Variants in RALGDS observed in about 807,000 individuals in gnomAD.
The protein encoded by RALGDS is ral guanine nucleotide exchange factor.
A neutral mutation model predicts 99.8 loss-of-function variants in RALGDS; 44 were observed. The ratio of observed to expected loss-of-function variants is 0.44; its 90% confidence interval spans 0.35 to 0.57. The LOEUF is 0.57. RALGDS is among the 20% of genes least tolerant of loss of function. The pLI is 0.01. For synonymous variants in RALGDS, 529 were observed against 505.0 expected (o/e 1.05, Z -0.64); for missense variants, 1,022 against 1,203.1 (o/e 0.85, Z 2.23).
At chr9:133,100,446 G>A in intron 16 of RALGDS, 64 bp from the exon 17 acceptor site, 1 of 1,609,622 alleles carries the variant, frequency 6.2e-7, no homozygotes, top group Non-Finnish European at 8.5e-7. Context: ...CCAGAGTGCA[G>A]TGGCCAAGGA....
chr9:133,147,071 C>T (rs572173601), intron 1 of RALGDS, among the ~76,000 whole-genome samples: 1 of 152,312 alleles, frequency 6.6e-6, no homozygotes, highest in East Asian at 1.9e-4. Flanking sequence ...GTAGTGTTGT[C>T]ACATAGCTGT....
chr9:133,100,197 C>T, intron 17 of RALGDS, 71 bp downstream of exon 17: 1 of 1,411,316 alleles, frequency 7.1e-7, no homozygotes, highest in Non-Finnish European at 1.0e-6. Flanking sequence ...GGGCCAAAGG[C>T]TTCCAACCTG....
upstream of RALGDS, among the ~76,000 whole-genome samples, chr9:133,136,107 C>A (rs747599731): frequency 6.6e-6 from 1 of 152,130 alleles, no homozygotes; most frequent in Non-Finnish European, 1.5e-5. Context: ...CTACTAGGTG[C>A]CGGGCACTAT....
intron 10 of RALGDS, 141 bp from the exon 11 acceptor site, chr9:133,103,974 T>G: frequency 1.1e-6 from 1 of 881,166 alleles, no homozygotes. Context: ...GACCCCAGAC[T>G]CCCTCTAGCC....
At chr9:133,131,235 G>T, upstream of RALGDS, 2 of 828,256 alleles carry the variant, frequency 2.4e-6, no homozygotes, top group Non-Finnish European at 2.8e-6. Context: ...TGGGAGCTCT[G>T]CCACCCTCAG....
intron 1 of RALGDS, among the ~76,000 whole-genome samples, chr9:133,145,841 A>G (rs144989628): frequency 2.1e-4 from 32 of 152,212 alleles, no homozygotes; most frequent in African/African-American, 7.2e-4. Flanking sequence ...ATACTACAAA[A>G]CCTGTTAGCT....
intron 17 of RALGDS, 149 bp downstream of exon 17, chr9:133,100,119 A>C: frequency 1.3e-6 from 1 of 777,094 alleles, no homozygotes; most frequent in Non-Finnish European, 2.3e-6. Flanking sequence ...GACAGCAAGC[A>C]GACAATGGGG....
chr9:133,100,931 C>T (rs921947421), intron 16 of RALGDS: 4 of 1,044,028 alleles, frequency 3.8e-6, no homozygotes, highest in Middle Eastern at 4.6e-4. Context: ...AATAATGGGG[C>T]ACCTGACCCA....
chr9:133,132,260 T>C (rs1311015649), upstream of RALGDS, among the ~76,000 whole-genome samples: 1 of 152,140 alleles, frequency 6.6e-6, no homozygotes, highest in Non-Finnish European at 1.5e-5. Flanking sequence ...TACACACTAT[T>C]AACGGGAGAG....
chr9:133,100,500 T>A (rs1240699674), intron 16 of RALGDS, 118 bp from the exon 17 acceptor site: 2 of 1,586,366 alleles, frequency 1.3e-6, no homozygotes, highest in Non-Finnish European at 1.7e-6. Flanking sequence ...ACTCACAGCC[T>A]CTGGCCAGGT....
chr9:133,120,875 G>C, intron 1 of RALGDS, 97 bp downstream of exon 1: 1 of 1,290,126 alleles, frequency 7.8e-7, no homozygotes, highest in Non-Finnish European at 1.0e-6. Flanking sequence ...CGCTGGGATC[G>C]CCCGGCCCCG....
intron 7 of RALGDS, among the ~76,000 whole-genome samples, 158 bp downstream of exon 7, chr9:133,106,927 A>T (rs1040859788): frequency 6.6e-6 from 1 of 152,168 alleles, no homozygotes; most frequent in African/African-American, 2.4e-5. Flanking sequence ...GAAAGAGTGT[A>T]AGGAAGACGT....
At chr9:133,142,971 T>C (rs373101340) in intron 1 of RALGDS, among the ~76,000 whole-genome samples, 2 of 152,194 alleles carry the variant, frequency 1.3e-5, no homozygotes, top group African/African-American at 4.8e-5. Flanking sequence ...GGGAGTTCCT[T>C]CCCCTTCCAG....
At chr9:133,140,554 G>C (rs1337313332) in intron 1 of RALGDS, among the ~76,000 whole-genome samples, 2 of 152,156 alleles carry the variant, frequency 1.3e-5, no homozygotes, top group Non-Finnish European at 2.9e-5. Flanking sequence ...GGAAGGACTG[G>C]GGTGCCCTCC....
chr9:133,103,777 C>A lies in RALGDS; in HGVS notation c.1728G>T (p.Met576Ile). The A allele has an allele frequency of 6.2e-7, 1 of 1,613,416 alleles. No homozygotes were observed. ...GATAGTCCTTCATGGCAGTGTCCAG[C>A]ATCACCAGGTCGGTGAGGAACGTGC... ...YLGTFLTDLV[M>I]LDTAMKDYLY... is the part of the protein sequence containing the mutation. The change falls in exon 11 of 18, where the codon ATG (methionine) becomes ATT (isoleucine). Residue 576 changes from methionine (M) to isoleucine (I), a missense_variant. This residue lies in a region of RALGDS where 825 missense variants were observed against 994.5 expected (regional missense o/e 0.83). Coordinates refer to ENST00000372050, the MANE Select transcript of RALGDS (RefSeq NM_006266.4).
At chr9:133,114,219 G>T (rs1005474912) in intron 1 of RALGDS, among the ~76,000 whole-genome samples, 3 of 152,198 alleles carry the variant, frequency 2.0e-5, no homozygotes, top group African/African-American at 7.2e-5. Context: ...TGGGGTAAGG[G>T]AGTTGCCACC....
upstream of RALGDS, among the ~76,000 whole-genome samples, chr9:133,133,522 C>T (rs540336780): frequency 3.3e-5 from 5 of 152,226 alleles, no homozygotes; most frequent in Non-Finnish European, 5.9e-5. Flanking sequence ...CTGCCTGGAA[C>T]GAAGACTGCC....
In RALGDS at chr9:133,103,820, C is replaced by A; in HGVS notation, c.1685G>T (p.Gly562Val). The A allele has an allele frequency of 2.5e-6, 4 of 1,613,150 alleles. No individual in the cohort carries two copies. The highest frequency in any genetic ancestry group is 3.4e-6 in the Non-Finnish European group (4 of 1,179,888). ...GAACGTGCCCAGGTAGGGAACGGTG[C>A]CCTGGATGATGCCCTGTGACATTGG... ...KRPKETGIIQ[G>V]TVPYLGTFLT... The change falls in exon 11 of 18, where the codon GGC becomes GTC. Residue 562 changes from glycine to valine, a missense_variant. Around this residue, in one of 3 missense-constraint regions of RALGDS, gnomAD observed 825 missense variants for 994.5 expected, o/e 0.83. Coordinates refer to ENST00000372050, the MANE Select transcript of RALGDS (RefSeq NM_006266.4).
intron 1 of RALGDS, among the ~76,000 whole-genome samples, chr9:133,148,707 G>A (rs1308588822): frequency 6.6e-6 from 1 of 152,212 alleles, no homozygotes; most frequent in Non-Finnish European, 1.5e-5. Flanking sequence ...AGGGTGAGCC[G>A]AGCCCTTCCT....
Sources: allele counts gnomAD v4.1 joint callset (sites outside exome capture counted in the v4.1 genomes callset), GRCh38; gene constraint gnomAD v4.1.1; regional missense constraint gnomAD v4.1.1; transcripts MANE v1.5; gene names NCBI Gene and HGNC (gene_info 2026-07-23, HGNC 2026-07-21).